MED24: variants seen among roughly 807,000 people sequenced by gnomAD.
MED24 encodes the protein mediator complex subunit 24.
Under a neutral mutation model 118.8 loss-of-function variants are expected in MED24, and 74 were observed. The observed-to-expected ratio is 0.62, with a 90% CI of 0.52 to 0.76. MED24 has a LOEUF of 0.76. Among genes scored for constraint, MED24 ranks in the 30% least tolerant of loss-of-function variants. The pLI is 0.00. For synonymous variants in MED24, 521 were observed against 523.9 expected, an observed-to-expected ratio of 0.99 and a Z score of 0.08; for missense variants, 1,041 against 1,278.9, an observed-to-expected ratio of 0.81 and a Z score of 2.84.
chr17:40,027,019 A>G lies in MED24; in HGVS notation c.1546T>C (p.Ser516Pro). The stretch of plus-strand genomic sequence containing the variant: ...AAGGGCACCTCAGCTCCTGTGCGCG[A>G]CTCGGACAGAATCACCTGGGAAAGG... ...TYGSEVILSE[S>P]RTGAEVPFFE... Residue 516 changes from serine to proline, a missense_variant, in exon 17 of 26, where the codon TCG (serine) becomes CCG (proline). Ser to Pro is a moderately conservative substitution (Grantham distance 74). Around this residue, in one of 3 missense-constraint regions of MED24, gnomAD observed 587 missense variants for 694.4 expected, o/e 0.85. Coordinates refer to ENST00000394128, the MANE Select transcript of MED24 (RefSeq NM_014815.4). 1 of 1,613,842 alleles carries G rather than the reference A, an allele frequency of 6.2e-7. No individual in the cohort carries two copies. Among genetic ancestry groups the G allele is most frequent in the South Asian group, 1.1e-5 (1 of 91,072 alleles).
In MED24 at chr17:40,034,858, AC is replaced by A. The variant is rs1026862650; in HGVS notation, c.559+258del. 212 of 117,048 alleles carry A rather than the reference AC, an allele frequency of 1.8e-3. 4 individuals are homozygous for A. The highest frequency in any genetic ancestry group is 4.4e-3 in the East Asian group (15 of 3,414). The allele number at this position is 117,048 out of a possible 1,614,324, so 7.3% of individuals were successfully genotyped here. A position where few individuals can be genotyped will look rare whatever the true frequency, so the allele number is the denominator to read the frequency against. The stretch of plus-strand genomic sequence containing the variant: ...CCACATGCTCCTTTGGTAGCCCCCC[AC>A]CCCCCACCCCCAGCACCTAGCACAG... On this transcript the variant is annotated intron_variant, in intron 6 of 25. Coordinates refer to ENST00000394128, the MANE Select transcript of MED24 (RefSeq NM_014815.4).
chr17:40,032,205 C>T lies in MED24; in HGVS notation c.937-115G>A, dbSNP rs560791279. On this transcript the variant is annotated intron_variant, in intron 9 of 25. Coordinates refer to ENST00000394128, the MANE Select transcript of MED24 (RefSeq NM_014815.4). ...AGGAAGAGAGACAGGAACACTCCTA[C>T]CCTGGGAGTGAGAGCACACTTAGTG... The T allele has an allele frequency of 9.0e-6, 11 of 1,222,646 alleles. No homozygotes were observed. The East Asian group carries it at 1.6e-4, about 18-fold the overall frequency. The allele number at this position is 1,222,646 out of a possible 1,614,324, so 75.7% of individuals were successfully genotyped here.
rs766682276 is a variant in MED24 at position 40,036,100 on chromosome 17, G to A, written c.252+16C>T. The A allele has an allele frequency of 1.9e-6, 3 of 1,607,918 alleles. No individual in the cohort carries two copies. The Admixed American group carries it at 5.0e-5, about 27-fold the overall frequency. Reference sequence around the variant, plus strand: ...CTGTCATCCCCAATCTAGCTCCTGAGTGTCTATGGTCATACCTTACTGATG... The same window carrying A: ...CTGTCATCCCCAATCTAGCTCCTGAATGTCTATGGTCATACCTTACTGATG... On this transcript the variant is annotated intron_variant, in intron 4 of 25. Transcript: ENST00000394128.
chr17:40,026,819 C>A, intron 17 of MED24, 37 bp downstream of exon 17: 2 of 1,611,314 alleles, frequency 1.2e-6, no homozygotes, highest in South Asian at 1.1e-5. Context: ...ACCCTGCCCC[C>A]ACCGCCACCC....
At chr17:40,034,983 G>C in intron 6 of MED24, 134 bp downstream of exon 6, 4 of 1,607,204 alleles carry the variant, frequency 2.5e-6, no homozygotes, top group Non-Finnish European at 3.4e-6. Flanking sequence ...CTTATGGGGA[G>C]AAAAAAAAGG....
intron 3 of MED24, among the ~76,000 whole-genome samples, chr17:40,051,820 G>A: frequency 6.6e-6 from 1 of 152,046 alleles, no homozygotes; most frequent in East Asian, 1.9e-4. Flanking sequence ...CTACTCAGGA[G>A]GCTGAGGCAG....
intron 9 of MED24, 44 bp from the exon 10 acceptor site, chr17:40,032,134 TTC>T (rs760620075): frequency 6.2e-7 from 1 of 1,600,592 alleles, no homozygotes; most frequent in Non-Finnish European, 8.6e-7. Context: ...TCCATTTCTT[TTC>T]TCTTTCATCT....
Position 40,022,808 on chromosome 17 carries a change from G to A in MED24, c.2269C>T (p.Arg757Trp), listed in dbSNP as rs748727353. The change falls in exon 21 of 26, where the codon CGG becomes TGG. Residue 757 changes from arginine (R) to tryptophan (W), a missense_variant. Coordinates refer to ENST00000394128, the MANE Select transcript of MED24 (RefSeq NM_014815.4). ...NLIKELLKET[R>W]KEHTLRAVEL... ...ACTGCCCGCAGCGTGTGCTCCTTCCGCGTCTCCTTCAGCAGCTCCTAGTGC... is the reference window on the plus strand; with the variant it reads ...ACTGCCCGCAGCGTGTGCTCCTTCCACGTCTCCTTCAGCAGCTCCTAGTGC... The A allele has an allele frequency of 5.6e-6, 9 of 1,613,416 alleles. No homozygotes were observed. Among genetic ancestry groups the A allele is most frequent in the Middle Eastern group, 1.7e-4 (1 of 5,892 alleles).
chr17:40,047,711 A>C (rs974792129), intron 3 of MED24, among the ~76,000 whole-genome samples: 2 of 150,658 alleles, frequency 1.3e-5, no homozygotes, highest in African/African-American at 4.9e-5. Context: ...CAAAAAAAAA[A>C]CCCTGACTGA....
intron 23 of MED24, among the ~76,000 whole-genome samples, chr17:40,020,916 T>C (rs1981902448): frequency 1.3e-5 from 2 of 151,298 alleles, no homozygotes. Flanking sequence ...CTACTAAAAA[T>C]ACAAAAATTA....
Position 40,041,365 on chromosome 17 carries a change from C to T in MED24, c.214-5211G>A, listed in dbSNP as rs1984546240. On this transcript the variant is annotated intron_variant, in intron 3 of 25. Transcript: ENST00000394128. ...AGGAATTATCCTCCTAAGTGTGTTC[C>T]TTAAATGAGATTGGTTCCTCAGGAA... Among the ~76,000 whole-genome samples, 3 of 152,158 alleles carry T rather than the reference C, an allele frequency of 2.0e-5. No individual in the cohort carries two copies. The South Asian group carries it at 6.2e-4, about 31-fold the overall frequency.
At chr17:40,020,113 CA>C (rs1669178075) in intron 24 of MED24, 159 bp downstream of exon 24, 2 of 1,002,522 alleles carry the variant, frequency 2.0e-6, no homozygotes, top group Admixed American at 4.3e-5. Flanking sequence ...GGGAACTAGA[CA>C]GGAGCCTGGG....
chr17:40,036,298 G>A, intron 3 of MED24, 144 bp from the exon 4 acceptor site: 2 of 744,328 alleles, frequency 2.7e-6, no homozygotes, highest in Non-Finnish European at 4.6e-6. Flanking sequence ...AGGAGAGGCA[G>A]TGTCACTGTG....
At chr17:40,034,852 C>CGGGGGGGGGGGGGGGGGGGGGGGGGGGG in intron 6 of MED24, 1 of 386,866 alleles carries the variant, frequency 2.6e-6, no homozygotes, top group Non-Finnish European at 4.7e-6. Context: ...CCTTTGGTAG[C>CGGGGGGGGGGGGGGGGGGGGGGGGGGGG]CCCCCACCCC....
In MED24 at chr17:40,046,755, CAAG is replaced by C. The variant is rs1308552572; in HGVS notation, c.213+6540_213+6542del. 9.7e-5 allele frequency among the ~76,000 whole-genome samples: 14 copies of C among 144,460 alleles called. 1 individual carries two copies. In the South Asian group the frequency reaches 1.5e-3, roughly 15 times the overall value. The allele number at this position is 144,460 out of a possible 152,430, so 94.8% of individuals were successfully genotyped here. A position where few individuals can be genotyped will look rare whatever the true frequency, so the allele number is the denominator to read the frequency against. On this transcript the variant is annotated intron_variant, in intron 3 of 25. Transcript: ENST00000394128. ...AGCGAGACTCCGTCTCAAAAAAAAA[CAAG>C]AAGAAGAAGAATGAGGCCAGGCATG...
Position 40,049,916 on chromosome 17 carries a change from G to A in MED24, c.213+3382C>T, listed in dbSNP as rs1487430998. The stretch of plus-strand genomic sequence containing the variant: ...TGTAATCCCAGCACTTTGGGAGGCC[G>A]AGGCAGATGGATCACTTGAGGTCAG... On this transcript the variant is annotated intron_variant, in intron 3 of 25. Transcript: ENST00000394128. Among the ~76,000 whole-genome samples the A allele has an allele frequency of 2.6e-5, 4 of 151,570 alleles. No individual in the cohort carries two copies. In the East Asian group the frequency reaches 8.0e-4, roughly 30 times the overall value.
At chr17:40,049,225 T>A (rs572936243) in intron 3 of MED24, among the ~76,000 whole-genome samples, 1 of 152,132 alleles carries the variant, frequency 6.6e-6, no homozygotes, top group Admixed American at 6.6e-5. Flanking sequence ...GAAAAAGGGG[T>A]CCTGAGAGCA....
At chr17:40,032,120 A>G in intron 9 of MED24, 30 bp from the exon 10 acceptor site, 2 of 1,610,186 alleles carry the variant, frequency 1.2e-6, no homozygotes, top group Non-Finnish European at 1.7e-6. Context: ...GAAAAACAGG[A>G]AGATCCATTT....
chr17:40,026,723 C>T lies in MED24; in HGVS notation c.1733G>A (p.Cys578Tyr), dbSNP rs1982694453. The T allele has an allele frequency of 6.2e-7, 1 of 1,612,418 alleles. No individual in the cohort carries two copies. Among genetic ancestry groups the T allele is most frequent in the Middle Eastern group, 1.7e-4 (1 of 6,060 alleles). ...CAAGATGGCGGCTGAGATGCTGAGA[C>T]AGGCCTCATGCCACTTCATCTGCCT... The part of the protein sequence containing the change: ...KLVQMKWHEA[C>Y]LSISAAILEI... Residue 578 changes from cysteine to tyrosine, a missense_variant, in exon 18 of 26, where the codon TGT becomes TAT. Coordinates refer to ENST00000394128, the MANE Select transcript of MED24 (RefSeq NM_014815.4).
Sources: allele counts gnomAD v4.1 joint callset (sites outside exome capture counted in the v4.1 genomes callset), GRCh38; gene constraint gnomAD v4.1.1; regional missense constraint gnomAD v4.1.1; transcripts MANE v1.5; gene names NCBI Gene and HGNC (gene_info 2026-07-23, HGNC 2026-07-21).